The following CALD1 variants were observed in gnomAD, a reference collection of about 807,000 sequenced individuals.
CALD1 encodes the protein caldesmon 1, also known as caldesmon.
Under a neutral mutation model 99.9 loss-of-function variants are expected in CALD1, and 33 were observed. The observed-to-expected ratio is 0.33, with a 90% CI of 0.25 to 0.44. CALD1 has a LOEUF of 0.44. CALD1 is among the 20% of genes least tolerant of loss of function. The pLI is 1.00. For missense variants in CALD1, 861 were observed against 962.1 expected (o/e 0.89, Z 1.39); for synonymous variants, 310 against 325.0 (o/e 0.95, Z 0.50).
intron 1 of CALD1, among the ~76,000 whole-genome samples, chr7:134,760,518 T>C (rs1796768074): frequency 1.3e-5 from 2 of 152,242 alleles, no homozygotes; most frequent in South Asian, 2.1e-4. Context: ...ACTGAAGTTT[T>C]TCCTATTACA....
At chr7:134,757,838 C>T (rs1319166721) in intron 1 of CALD1, among the ~76,000 whole-genome samples, 3 of 151,968 alleles carry the variant, frequency 2.0e-5, no homozygotes, top group Admixed American at 2.0e-4. Flanking sequence ...GAGATCACAC[C>T]ACTGCACTCC....
chr7:134,848,073 C>T (rs1248260782), intron 2 of CALD1, among the ~76,000 whole-genome samples: 1 of 151,566 alleles, frequency 6.6e-6, no homozygotes, highest in Non-Finnish European at 1.5e-5. Context: ...TCAAATAGGA[C>T]TTAAGCAGAA....
intron 1 of CALD1, among the ~76,000 whole-genome samples, chr7:134,820,502 CATT>C (rs1171617779): frequency 1.3e-5 from 2 of 152,116 alleles, no homozygotes; most frequent in Admixed American, 1.3e-4. Flanking sequence ...ATCCAGACAG[CATT>C]ATAAGATATA....
intron 1 of CALD1, among the ~76,000 whole-genome samples, chr7:134,811,688 T>C (rs1228240004): frequency 6.6e-6 from 1 of 152,220 alleles, no homozygotes; most frequent in Non-Finnish European, 1.5e-5. Flanking sequence ...AAAATCTGTG[T>C]CTTTAATGGG....
intron 1 of CALD1, among the ~76,000 whole-genome samples, chr7:134,760,028 G>A (rs1438553929): frequency 6.6e-5 from 10 of 152,178 alleles, no homozygotes. Flanking sequence ...ATGAAGATAT[G>A]TGCAGGGGAA....
chr7:134,957,564 C>T lies in CALD1; in HGVS notation c.1936-505C>T, dbSNP rs370083263. On this transcript the variant is annotated intron_variant, in intron 9 of 14. Transcript: ENST00000361675. ...CCTTCCAAGTAGCTGGGGCTACAGG[C>T]GCGTGTCACCACACCCAGCTACTTT... 6.6e-5 allele frequency among the ~76,000 whole-genome samples: 10 copies of T among 152,172 alleles called. No homozygotes were observed. In the East Asian group the frequency reaches 7.7e-4, roughly 12 times the overall value.
intron 1 of CALD1, among the ~76,000 whole-genome samples, chr7:134,769,458 G>A (rs568403455): frequency 1.9e-4 from 29 of 152,164 alleles, no homozygotes; most frequent in African/African-American, 6.7e-4. Flanking sequence ...GGTTGTCATT[G>A]TTTTAACTTG....
At chr7:134,724,660 C>G in the CALD1 span, among the ~76,000 whole-genome samples, 1 of 152,198 alleles carries the variant, frequency 6.6e-6, no homozygotes, top group African/African-American at 2.4e-5. Flanking sequence ...CTCCAAGGTC[C>G]ACGATTCTTC....
At chr7:134,929,014 T>C in intron 4 of CALD1, 114 bp downstream of exon 4, 1 of 911,068 alleles carries the variant, frequency 1.1e-6, no homozygotes, top group Non-Finnish European at 1.6e-6. Context: ...TTTTTCAATC[T>C]AACTGGTTTA....
rs145963001 is a variant in CALD1, at chr7:134,933,250, G to A, written c.481G>A (p.Glu161Lys). Reference sequence around the variant, plus strand: ...AAGTGAAAGTCGCCAAGAAAGATACGAGATAGAGGAAACAGAAACAGTCAC... The same window carrying A: ...AAGTGAAAGTCGCCAAGAAAGATACAAGATAGAGGAAACAGAAACAGTCAC... ...EKSESRQERY[E>K]IEETETVTKS... Residue 161 changes from glutamate to lysine, a missense_variant, in exon 5 of 15, where the codon GAG (glutamate) becomes AAG (lysine). Coordinates refer to ENST00000361675, the MANE Select transcript of CALD1 (RefSeq NM_033138.4). 5.2e-5 allele frequency: 84 copies of A among 1,608,604 alleles called. No homozygotes were observed. The highest frequency in any genetic ancestry group is 6.8e-5 in the Non-Finnish European group (80 of 1,177,990).
At chr7:134,842,350 T>C (rs554188656) in intron 1 of CALD1, among the ~76,000 whole-genome samples, 2 of 152,336 alleles carry the variant, frequency 1.3e-5, no homozygotes, top group Middle Eastern at 6.8e-3. Context: ...GTTACAGTCA[T>C]CAAATGAAAT....
Position 134,965,397 on chromosome 7 carries a change from G to T in CALD1, c.2376+11G>T, listed in dbSNP as rs1808597372. On this transcript the variant is annotated intron_variant, in intron 14 of 14. Transcript: ENST00000361675. ...ACTTCCCCCACTAAGGTAATCTATT[G>T]GGAAGACTAGTATTTCAGAGGTTTG... 1.5e-6 allele frequency: 2 copies of T among 1,294,470 alleles called. No homozygotes were observed. The highest frequency in any genetic ancestry group is 1.2e-5 in the South Asian group (1 of 84,624). The allele number at this position is 1,294,470 out of a possible 1,614,324, so 80.2% of individuals were successfully genotyped here. A position where few individuals can be genotyped will look rare whatever the true frequency, so the allele number is the denominator to read the frequency against.
chr7:134,828,876 A>C (rs1207928531), intron 1 of CALD1, among the ~76,000 whole-genome samples: 1 of 152,160 alleles, frequency 6.6e-6, no homozygotes, highest in African/African-American at 2.4e-5. Context: ...ATAATTATTC[A>C]TCTATATATT....
intron 6 of CALD1, among the ~76,000 whole-genome samples, chr7:134,937,480 C>T (rs1458296064): frequency 6.6e-6 from 1 of 152,056 alleles, no homozygotes; most frequent in East Asian, 1.9e-4. Flanking sequence ...ATCTATATTC[C>T]TTTTTTAATA....
At chr7:134,784,294 C>A (rs1797222941) in intron 1 of CALD1, among the ~76,000 whole-genome samples, 1 of 152,214 alleles carries the variant, frequency 6.6e-6, no homozygotes, top group Admixed American at 6.5e-5. Flanking sequence ...GTTCCTCTGA[C>A]ACCCACATAT....
At chr7:134,820,592 C>T (rs1798737253) in intron 1 of CALD1, among the ~76,000 whole-genome samples, 1 of 152,186 alleles carries the variant, frequency 6.6e-6, no homozygotes. Context: ...TTTCTGTCTA[C>T]ACTTTACCCA....
chr7:134,789,557 A>G (rs558776382), intron 1 of CALD1, among the ~76,000 whole-genome samples: 1 of 152,362 alleles, frequency 6.6e-6, no homozygotes, highest in Non-Finnish European at 1.5e-5. Context: ...TAGAAGTAAT[A>G]TCTTGAAACT....
intron 1 of CALD1, among the ~76,000 whole-genome samples, chr7:134,800,853 T>G (rs551976531): frequency 3.9e-5 from 6 of 152,138 alleles, no homozygotes; most frequent in African/African-American, 1.4e-4. Context: ...ATCTTTAAAT[T>G]TAAAGCAATG....
chr7:134,738,789 T>C, the CALD1 span, among the ~76,000 whole-genome samples: 10 of 152,196 alleles, frequency 6.6e-5, no homozygotes, highest in African/African-American at 2.4e-4. Flanking sequence ...TCAGCATACC[T>C]ACTGCTTCCT....
Sources: allele counts gnomAD v4.1 joint callset (sites outside exome capture counted in the v4.1 genomes callset), GRCh38; gene constraint gnomAD v4.1.1; transcripts MANE v1.5; gene names NCBI Gene and HGNC (gene_info 2026-07-23, HGNC 2026-07-21).